SDK1: variants seen among roughly 807,000 people sequenced by gnomAD.
SDK1 encodes the protein protein sidekick-1.
Under a neutral mutation model 245.5 loss-of-function variants are expected in SDK1, and 157 were observed. That is an observed-to-expected ratio of 0.64 (90% CI 0.56 to 0.73). The LOEUF (loss-of-function observed/expected upper bound fraction) is 0.73, where lower values mean the gene tolerates loss of function less well. Ranked by LOEUF, SDK1 falls within the 30% of genes least tolerant of loss-of-function variation. SDK1 has a pLI of 0.00. For missense variants in SDK1, 3,583 were observed against 3,002.3 expected (o/e 1.19, Z -4.52); for synonymous variants, 1,647 against 1,278.5 (o/e 1.29, Z -6.15).
chr7:3,951,786 G>C lies in SDK1; in HGVS notation c.1016G>C (p.Gly339Ala). The change falls in exon 7 of 45, where the codon GGC becomes GCC. Residue 339 changes from glycine (G) to alanine (A), a missense_variant. Coordinates refer to ENST00000404826, the MANE Select transcript of SDK1 (RefSeq NM_152744.4). ...WKRNGVRITS[G>A]LHSFGRRLTI... The stretch of plus-strand genomic sequence containing the variant: ...AGGAATGGAGTGAGAATCACCAGTG[G>C]CCTCCACAGCTTTGGAAGACGCCTC... 6.2e-7 allele frequency: 1 copy of C among 1,613,906 alleles called. No individual in the cohort carries two copies. Among genetic ancestry groups the C allele is most frequent in the South Asian group, 1.1e-5 (1 of 91,070 alleles).
chr7:3,485,394 C>T (rs1781653502), intron 1 of SDK1, among the ~76,000 whole-genome samples: 1 of 152,072 alleles, frequency 6.6e-6, no homozygotes, highest in Non-Finnish European at 1.5e-5. Context: ...GTGCTGGGTT[C>T]CACCGTGGCA....
At chr7:3,975,436 C>T (rs570956326) in intron 13 of SDK1, among the ~76,000 whole-genome samples, 1 of 152,158 alleles carries the variant, frequency 6.6e-6, no homozygotes, top group South Asian at 2.1e-4. Flanking sequence ...GACCCTGCCC[C>T]CTTTGATCCA....
chr7:4,260,153 T>C (rs1437796421), intron 44 of SDK1, among the ~76,000 whole-genome samples: 2 of 150,190 alleles, frequency 1.3e-5, no homozygotes, highest in East Asian at 4.0e-4. Flanking sequence ...CTCCGGGGTC[T>C]CTGTGTGTGT....
intron 1 of SDK1, among the ~76,000 whole-genome samples, chr7:3,582,601 A>G (rs1780540120): frequency 6.6e-6 from 1 of 150,600 alleles, no homozygotes; most frequent in African/African-American, 2.4e-5. Context: ...TACCTGGGTG[A>G]CAAAGTAATC....
At chr7:3,723,723 C>T (rs1389317317) in intron 4 of SDK1, among the ~76,000 whole-genome samples, 1 of 150,754 alleles carries the variant, frequency 6.6e-6, no homozygotes, top group East Asian at 2.0e-4. Context: ...CGTGTATATA[C>T]ACGTACATAT....
intron 5 of SDK1, among the ~76,000 whole-genome samples, chr7:3,924,482 C>G (rs1205784298): frequency 1.3e-5 from 2 of 152,172 alleles, no homozygotes; most frequent in Non-Finnish European, 2.9e-5. Flanking sequence ...CTGCTGCACC[C>G]AGAGCTGTCC....
At chr7:3,957,993 C>T (rs1451131855) in intron 7 of SDK1, 3 of 470,708 alleles carry the variant, frequency 6.4e-6, no homozygotes, top group African/African-American at 2.0e-5. Flanking sequence ...CCCCCTTAAT[C>T]GTTTCTTTGA....
At chr7:3,983,549 G>A (rs557510467) in intron 13 of SDK1, among the ~76,000 whole-genome samples, 1 of 152,220 alleles carries the variant, frequency 6.6e-6, no homozygotes, top group Non-Finnish European at 1.5e-5. Context: ...TTAATAGACT[G>A]CAGTAGAGTA....
At chr7:3,939,688 T>C (rs900542301) in intron 5 of SDK1, among the ~76,000 whole-genome samples, 2 of 152,228 alleles carry the variant, frequency 1.3e-5, no homozygotes, top group Admixed American at 1.3e-4. Context: ...TATGTGTATG[T>C]ATATCTGAGT....
intron 35 of SDK1, among the ~76,000 whole-genome samples, chr7:4,200,007 A>C (rs1783797790): frequency 6.6e-6 from 1 of 152,196 alleles, no homozygotes; most frequent in Admixed American, 6.5e-5. Flanking sequence ...AGGCAGGAGA[A>C]TAGCTTGAAC....
At chr7:3,660,406 A>C (rs561732684) in intron 4 of SDK1, among the ~76,000 whole-genome samples, 29 of 152,222 alleles carry the variant, frequency 1.9e-4, no homozygotes, top group African/African-American at 6.3e-4. Context: ...ACAAGCAAAC[A>C]CATAAATAAA....
At chr7:3,570,361 C>T (rs1399224439) in intron 1 of SDK1, among the ~76,000 whole-genome samples, 5 of 152,090 alleles carry the variant, frequency 3.3e-5, no homozygotes, top group South Asian at 2.1e-4. Context: ...AATCAAACGC[C>T]GCCTCTGACC....
At chr7:3,749,006 A>T (rs1779701399) in intron 4 of SDK1, among the ~76,000 whole-genome samples, 1 of 152,166 alleles carries the variant, frequency 6.6e-6, no homozygotes, top group South Asian at 2.1e-4. Flanking sequence ...AACCCAACTC[A>T]CACTTAGATG....
intron 4 of SDK1, among the ~76,000 whole-genome samples, chr7:3,680,804 T>A (rs753640099): frequency 1.3e-5 from 2 of 152,192 alleles, no homozygotes; most frequent in Non-Finnish European, 2.9e-5. Context: ...TCCTGACTTA[T>A]GCGTTAGCCA....
intron 5 of SDK1, among the ~76,000 whole-genome samples, chr7:3,902,161 TA>T (rs1412446623): frequency 6.6e-6 from 1 of 152,180 alleles, no homozygotes; most frequent in African/African-American, 2.4e-5. Context: ...TTGGTGTTCT[TA>T]CTCCCAGACT....
chr7:3,321,149 A>G (rs1382650097), intron 1 of SDK1, among the ~76,000 whole-genome samples: 1 of 152,246 alleles, frequency 6.6e-6, no homozygotes, highest in Non-Finnish European at 1.5e-5. Flanking sequence ...TCATACGTGA[A>G]ATAAAATCTT....
chr7:3,538,478 C>T (rs1413080954), intron 1 of SDK1, among the ~76,000 whole-genome samples: 11 of 152,202 alleles, frequency 7.2e-5, no homozygotes, highest in African/African-American at 1.4e-4. Flanking sequence ...CCTTATTTAC[C>T]GTGAATCAAT....
intron 1 of SDK1, among the ~76,000 whole-genome samples, chr7:3,382,153 TAG>T (rs1781505239): frequency 1.3e-5 from 2 of 152,112 alleles, no homozygotes; most frequent in Admixed American, 1.3e-4. Flanking sequence ...TTTTTTTGTG[TAG>T]AGACAGGGTC....
chr7:3,901,120 G>T (rs1781775440), intron 5 of SDK1, among the ~76,000 whole-genome samples: 1 of 152,122 alleles, frequency 6.6e-6, no homozygotes, highest in South Asian at 2.1e-4. Context: ...TTGGCAGAAT[G>T]TCCTTCAGTC....
Sources: allele counts gnomAD v4.1 joint callset (sites outside exome capture counted in the v4.1 genomes callset), GRCh38; gene constraint gnomAD v4.1.1; transcripts MANE v1.5; gene names NCBI Gene and HGNC (gene_info 2026-07-23, HGNC 2026-07-21).